Variants in IL12RB2 observed in about 807,000 individuals in gnomAD.
IL12RB2 encodes the protein interleukin 12 receptor subunit beta 2, also known as interleukin-12 receptor subunit beta-2.
Under a neutral mutation model 89.4 loss-of-function variants are expected in IL12RB2, and 82 were observed. The observed-to-expected ratio is 0.92, with a 90% CI of 0.77 to 1.10. The LOEUF is 1.10. IL12RB2 is among the 50% of genes least tolerant of loss of function. IL12RB2 has a pLI of 0.00. For missense variants in IL12RB2, 963 were observed against 1,031.9 expected, an observed-to-expected ratio of 0.93 and a Z score of 0.92; for synonymous variants, 368 against 370.1, an observed-to-expected ratio of 0.99 and a Z score of 0.07.
intron 13 of IL12RB2, among the ~76,000 whole-genome samples, chr1:67,376,249 T>G (rs1439966701): frequency 6.6e-6 from 1 of 152,180 alleles, no homozygotes; most frequent in Non-Finnish European, 1.5e-5. Context: ...CATGGCAATT[T>G]GCTCACCATT....
intron 14 of IL12RB2, among the ~76,000 whole-genome samples, chr1:67,385,216 G>C (rs1665009047): frequency 6.6e-6 from 1 of 152,198 alleles, no homozygotes; most frequent in Non-Finnish European, 1.5e-5. Flanking sequence ...AGCATGGCTA[G>C]GGAGGGCTCA....
At chr1:67,334,765 C>T (rs530504446) in intron 8 of IL12RB2, among the ~76,000 whole-genome samples, 29 of 152,312 alleles carry the variant, frequency 1.9e-4, no homozygotes, top group African/African-American at 6.7e-4. Context: ...AGGCATGAGC[C>T]ACCGCGCCCG....
chr1:67,359,617 G>A (rs1468143168), intron 10 of IL12RB2, among the ~76,000 whole-genome samples: 3 of 152,066 alleles, frequency 2.0e-5, no homozygotes, highest in Non-Finnish European at 4.4e-5. Flanking sequence ...AGCTACTCCA[G>A]AGGCTGGGAC....
chr1:67,374,607 C>G (rs561789528), intron 13 of IL12RB2, among the ~76,000 whole-genome samples: 1 of 151,796 alleles, frequency 6.6e-6, no homozygotes, highest in African/African-American at 2.4e-5. Context: ...TCCTGAGTAG[C>G]TGGGATTACA....
At chr1:67,332,276 C>A (rs929243595) in intron 8 of IL12RB2, among the ~76,000 whole-genome samples, 4 of 151,470 alleles carry the variant, frequency 2.6e-5, no homozygotes, top group Non-Finnish European at 4.4e-5. Context: ...AGTGCAGTGG[C>A]ACAATCTCAG....
chr1:67,338,717 GTCAA>G lies in IL12RB2; in HGVS notation c.1038+15_1038+18del. On this transcript the variant is annotated intron_variant, in intron 9 of 16. Transcript: ENST00000674203. Reference sequence around the variant, plus strand: ...CTTTTCTGGAAGGTGAGTTTTAAGCGTCAACTTAAAACTCAAGGGAATAAAACTG... The same window carrying G: ...CTTTTCTGGAAGGTGAGTTTTAAGCGCTTAAAACTCAAGGGAATAAAACTG... 1.5e-6 allele frequency: 2 copies of G among 1,308,538 alleles called. No individual in the cohort carries two copies. Among genetic ancestry groups the G allele is most frequent in the Non-Finnish European group, 2.2e-6 (2 of 901,012 alleles). 81.1% of individuals were successfully genotyped at this position (1,308,538 alleles called of 1,614,324 possible).
intron 16 of IL12RB2, 79 bp from the exon 17 acceptor site, chr1:67,395,468 C>T: frequency 6.2e-7 from 1 of 1,612,394 alleles, no homozygotes; most frequent in Non-Finnish European, 8.5e-7. Flanking sequence ...GGTTGTGAGG[C>T]CTTTGGGAAC....
chr1:67,319,584 A>G (rs1656225581), intron 2 of IL12RB2, among the ~76,000 whole-genome samples: 1 of 152,068 alleles, frequency 6.6e-6, no homozygotes, highest in South Asian at 2.1e-4. Flanking sequence ...TGGTCAAACT[A>G]CTCTGTATGG....
At chr1:67,373,510 A>G (rs1316012854) in intron 13 of IL12RB2, among the ~76,000 whole-genome samples, 2 of 152,244 alleles carry the variant, frequency 1.3e-5, no homozygotes, top group Non-Finnish European at 2.9e-5. Flanking sequence ...TCTTCTTAAA[A>G]TGGATAAAAT....
At position 67,396,042 on chromosome 1, in the gene IL12RB2, C is replaced by T; in HGVS notation, c.2542C>T (p.Leu848=). 1 of 1,606,496 alleles carries T rather than the reference C, an allele frequency of 6.2e-7. No homozygotes were observed. The highest frequency in any genetic ancestry group is 8.5e-7 in the Non-Finnish European group (1 of 1,172,938). Residue 848 remains leucine (L), a synonymous_variant, in exon 17 of 17, where the codon CTG becomes TTG. Transcript: ENST00000674203. The part of the protein sequence containing the change: ...HPLTFSCGDK[L]TLDQLKMRCD... ...ACTCACCTTCTCCTGTGGTGATAAGCTGACTCTGGATCAGTTAAAGATGAG... is the reference window on the plus strand; with the variant it reads ...ACTCACCTTCTCCTGTGGTGATAAGTTGACTCTGGATCAGTTAAAGATGAG...
rs190622475 is a variant in IL12RB2 at position 67,313,145 on chromosome 1, C to T, written c.-124-768C>T. On this transcript the variant is annotated intron_variant, in intron 1 of 16. Coordinates refer to ENST00000674203, the MANE Select transcript of IL12RB2 (RefSeq NM_001374259.2). ...TTCATGACCATAACTCAGGAAATTT[C>T]ATGAAGAAGAGAAGGTTAGCTAATT... Among the ~76,000 whole-genome samples, 1,066 of 152,248 alleles carry T rather than the reference C, an allele frequency of 7.0e-3. 5 individuals carry two copies. Among genetic ancestry groups the T allele is most frequent in the Non-Finnish European group, 0.011 (775 of 68,024 alleles).
At chr1:67,320,124 TGACCCCAA>T (rs1209566367) in intron 2 of IL12RB2, among the ~76,000 whole-genome samples, 4 of 152,210 alleles carry the variant, frequency 2.6e-5, no homozygotes, top group African/African-American at 9.6e-5. Flanking sequence ...AATCCTTTGC[TGACCCCAA>T]GAAGTCTCAC....
At chr1:67,384,172 C>T (rs780679728) in intron 14 of IL12RB2, among the ~76,000 whole-genome samples, 4 of 152,200 alleles carry the variant, frequency 2.6e-5, no homozygotes, top group Non-Finnish European at 4.4e-5. Context: ...ATAAGGGCTC[C>T]GCCCCTGCAG....
At chr1:67,391,741 G>A (rs961180764) in intron 16 of IL12RB2, among the ~76,000 whole-genome samples, 63 of 151,372 alleles carry the variant, frequency 4.2e-4, no homozygotes, top group African/African-American at 1.4e-3. Flanking sequence ...GGTTCACGCC[G>A]TTCTCCTGCC....
chr1:67,375,940 G>C (rs1261076419), intron 13 of IL12RB2, among the ~76,000 whole-genome samples: 1 of 150,192 alleles, frequency 6.7e-6, no homozygotes, highest in Non-Finnish European at 1.5e-5. Context: ...TCTGCCTCCC[G>C]GGTTCACGCC....
At chr1:67,343,816 T>C (rs1453959543) in intron 9 of IL12RB2, among the ~76,000 whole-genome samples, 1 of 152,242 alleles carries the variant, frequency 6.6e-6, no homozygotes, top group East Asian at 1.9e-4. Flanking sequence ...ATCTTGATCA[T>C]AGCAAATCAC....
chr1:67,356,642 G>A (rs1429931015), intron 10 of IL12RB2, among the ~76,000 whole-genome samples: 3 of 152,164 alleles, frequency 2.0e-5, no homozygotes, highest in Non-Finnish European at 4.4e-5. Flanking sequence ...TATCACTGCA[G>A]GGTCTCTGGC....
intron 14 of IL12RB2, among the ~76,000 whole-genome samples, chr1:67,383,762 T>C (rs1664850587): frequency 6.6e-6 from 1 of 152,256 alleles, no homozygotes; most frequent in Non-Finnish European, 1.5e-5. Context: ...ATGCTAAGCA[T>C]GTGGGAGTTG....
intron 11 of IL12RB2, among the ~76,000 whole-genome samples, chr1:67,370,112 G>T (rs970384591): frequency 7.2e-5 from 11 of 151,730 alleles, no homozygotes; most frequent in African/African-American, 2.7e-4. Context: ...TTAGCTATTA[G>T]CTTATGTTGA....
Sources: gnomAD v4.1 joint callset for allele counts (sites outside exome capture counted in the v4.1 genomes callset) on GRCh38, gnomAD v4.1.1 for gene constraint, MANE v1.5 for transcripts, NCBI Gene and HGNC (gene_info 2026-07-23, HGNC 2026-07-21) for gene names.